The following PRMT8 variants were observed in gnomAD, a reference collection of about 807,000 sequenced individuals.
PRMT8 encodes protein arginine N-methyltransferase 8.
In PRMT8, 7 loss-of-function variants were observed where a neutral mutation model predicts 47.1. The observed-to-expected ratio is 0.15, with a 90% CI of 0.08 to 0.28. The LOEUF (loss-of-function observed/expected upper bound fraction) is 0.28, where lower values mean the gene tolerates loss of function less well. PRMT8 is among the 10% of genes least tolerant of loss of function. The pLI is 1.00. For missense variants in PRMT8, 237 were observed against 505.4 expected (o/e 0.47, Z 5.09); for synonymous variants, 188 against 186.5 (o/e 1.01, Z -0.07).
At chr12:3,452,892 G>A (rs772804269) in intron 1 of PRMT8, among the ~76,000 whole-genome samples, 3 of 152,226 alleles carry the variant, frequency 2.0e-5, no homozygotes, top group Non-Finnish European at 2.9e-5. Context: ...CTTTAAGGGC[G>A]AGTGGGGTGG....
At chr12:3,470,462 C>G (rs189112762) in intron 1 of PRMT8, among the ~76,000 whole-genome samples, 1 of 152,172 alleles carries the variant, frequency 6.6e-6, no homozygotes, top group Non-Finnish European at 1.5e-5. Flanking sequence ...AACCTGCCAA[C>G]CTTCCCCAGG....
intron 1 of PRMT8, among the ~76,000 whole-genome samples, chr12:3,459,509 T>C (rs1865016664): frequency 1.3e-5 from 2 of 152,330 alleles, no homozygotes; most frequent in South Asian, 4.1e-4. Context: ...AGTGCAGGCA[T>C]GATTTTTTCT....
chr12:3,518,853 G>A (rs1428864117), intron 1 of PRMT8, among the ~76,000 whole-genome samples: 4 of 152,184 alleles, frequency 2.6e-5, no homozygotes, highest in African/African-American at 9.6e-5. Flanking sequence ...CAGAAACCCA[G>A]TAGGGCAAGG....
rs975379568 is a variant in PRMT8 at position 3,572,057 on chromosome 12, C to T, written c.712+2493C>T. 6.6e-6 allele frequency among the ~76,000 whole-genome samples: 1 copy of T among 152,048 alleles called. No individual in the cohort carries two copies. The highest frequency in any genetic ancestry group is 1.5e-5 in the Non-Finnish European group (1 of 68,016). ...CTCTCCTTTCCTTTTCTTTTATTTC[C>T]TTCCCTCTCCTTCCCTTCCCTCCCC... On this transcript the variant is annotated intron_variant, in intron 6 of 9. Transcript: ENST00000382622. The surrounding 1 kb of genome is among the most constrained non-coding windows in gnomAD (Gnocchi z 5.9).
intron 1 of PRMT8, among the ~76,000 whole-genome samples, chr12:3,437,523 C>T (rs190149911): frequency 1.3e-5 from 2 of 151,952 alleles, no homozygotes; most frequent in Non-Finnish European, 2.9e-5. Flanking sequence ...TCCTCCCACC[C>T]TCTACCCTCA....
chr12:3,445,935 T>C (rs771345001), intron 1 of PRMT8, among the ~76,000 whole-genome samples: 6 of 152,104 alleles, frequency 3.9e-5, no homozygotes, highest in Non-Finnish European at 7.4e-5. Context: ...CCTGGCCCCA[T>C]TGGTAGGGGG....
intron 6 of PRMT8, among the ~76,000 whole-genome samples, chr12:3,571,010 A>G (rs1157481154): frequency 6.6e-6 from 1 of 152,212 alleles, no homozygotes; most frequent in African/African-American, 2.4e-5. Flanking sequence ...CAAATTATCT[A>G]ATACCTTTGG....
At chr12:3,477,870 G>T (rs903078623) in intron 1 of PRMT8, among the ~76,000 whole-genome samples, 8 of 152,132 alleles carry the variant, frequency 5.3e-5, no homozygotes, top group Admixed American at 1.3e-4. Flanking sequence ...TTTGGTGGTT[G>T]GGTGTTGCAT....
chr12:3,552,801 C>T lies in PRMT8; in HGVS notation c.418-850C>T, dbSNP rs763511887. 2 of 464,508 alleles carry T rather than the reference C, an allele frequency of 4.3e-6. No individual in the cohort carries two copies. The highest frequency in any genetic ancestry group is 3.1e-5 in the South Asian group (2 of 64,896). The allele number at this position is 464,508 out of a possible 1,614,324, so 28.8% of individuals were successfully genotyped here. ...CAAGGGAATGGTCCCTGCCCGAGGC[C>T]TGGGGGTAGTCTGAGGGGCCCCCAA... is the stretch of plus-strand genomic sequence containing the variant. On this transcript the variant is annotated intron_variant, in intron 3 of 9. Transcript: ENST00000382622. This position sits in a 1 kb window ranked among gnomAD's most constrained non-coding sequence, Gnocchi z 4.5.
chr12:3,491,221 G>A lies in PRMT8; in HGVS notation c.-405G>A. The A allele has an allele frequency of 5.0e-6, 5 of 1,002,300 alleles. No individual in the cohort carries two copies. The highest frequency in any genetic ancestry group is 5.9e-6 in the Non-Finnish European group (5 of 841,030). 62.1% of individuals were successfully genotyped at this position (1,002,300 alleles called of 1,614,324 possible). Reference sequence around the variant, plus strand: ...GCGTGTTGCTTCGCCCAGCGGATCGGCAGAAGTTGAGAGGAGTTGGCGGCT... The same window carrying A: ...GCGTGTTGCTTCGCCCAGCGGATCGACAGAAGTTGAGAGGAGTTGGCGGCT... On this transcript the variant is annotated 5_prime_UTR_variant, in exon 1 of 10. Coordinates refer to ENST00000382622, the MANE Select transcript of PRMT8 (RefSeq NM_019854.5).
intron 4 of PRMT8, among the ~76,000 whole-genome samples, chr12:3,555,473 G>A (rs1231832604): frequency 6.6e-6 from 1 of 152,228 alleles, no homozygotes; most frequent in Non-Finnish European, 1.5e-5. Flanking sequence ...ATGCCGTGTG[G>A]CCAGGGCATG....
intron 1 of PRMT8, among the ~76,000 whole-genome samples, chr12:3,390,813 C>T (rs1023840972): frequency 1.3e-5 from 2 of 152,210 alleles, no homozygotes; most frequent in African/African-American, 4.8e-5. Context: ...AGATTATAAG[C>T]TCCATAAGGT....
At chr12:3,458,168 G>T (rs1277911151) in intron 1 of PRMT8, among the ~76,000 whole-genome samples, 1 of 152,210 alleles carries the variant, frequency 6.6e-6, no homozygotes, top group African/African-American at 2.4e-5. Flanking sequence ...CTATTCAGCA[G>T]TGTTTTAATC....
At chr12:3,582,692 C>A (rs1867089318) in intron 7 of PRMT8, among the ~76,000 whole-genome samples, 1 of 152,166 alleles carries the variant, frequency 6.6e-6, no homozygotes, top group African/African-American at 2.4e-5. Context: ...GGAGCAGTGC[C>A]TGGGTGGACC....
At chr12:3,448,621 A>G (rs1220228018) in intron 1 of PRMT8, among the ~76,000 whole-genome samples, 1 of 152,192 alleles carries the variant, frequency 6.6e-6, no homozygotes, top group African/African-American at 2.4e-5. Flanking sequence ...ATAGTATCCC[A>G]CTTTGATAAC....
chr12:3,541,180 C>T (rs1056517678), intron 2 of PRMT8, among the ~76,000 whole-genome samples: 1 of 152,232 alleles, frequency 6.6e-6, no homozygotes, highest in African/African-American at 2.4e-5. Flanking sequence ...CAGCAAGGAC[C>T]TTTCAGAGGT....
At chr12:3,428,955 CCT>C (rs1377002464) in intron 1 of PRMT8, among the ~76,000 whole-genome samples, 1 of 139,470 alleles carries the variant, frequency 7.2e-6, no homozygotes, top group Non-Finnish European at 1.6e-5. Flanking sequence ...CCTCTCTCCG[CCT>C]CTCTCTATCT....
At chr12:3,582,786 C>A (rs1251305797) in intron 7 of PRMT8, among the ~76,000 whole-genome samples, 1 of 152,142 alleles carries the variant, frequency 6.6e-6, no homozygotes, top group Non-Finnish European at 1.5e-5. Flanking sequence ...CCCCCTGTAG[C>A]CCCAAACCCT....
Position 3,451,676 on chromosome 12 carries a change from G to C in PRMT8, c.48+70234G>C, listed in dbSNP as rs576401118. On this transcript the variant is annotated intron_variant, in intron 1 of 9. Coordinates refer to the PRMT8 transcript ENST00000452611. ...ATCCTATAGAGTTGGTTAGCCGAGA[G>C]AGCTATGCATTTTCCCACCCGCTTA... Among the ~76,000 whole-genome samples the C allele has an allele frequency of 4.7e-4, 71 of 152,288 alleles. 2 individuals are homozygous for C. In the South Asian group the frequency reaches 0.014, roughly 30 times the overall value.
Sources: gnomAD v4.1 joint callset for allele counts (sites outside exome capture counted in the v4.1 genomes callset) on GRCh38, gnomAD v4.1.1 for gene constraint, Gnocchi (gnomAD v3.1) non-coding constraint, MANE v1.5 for transcripts, NCBI Gene and HGNC (gene_info 2026-07-23, HGNC 2026-07-21) for gene names.